The following IARS2 variants were observed in gnomAD, a reference collection of about 807,000 sequenced individuals.
IARS2 encodes isoleucine--tRNA ligase, mitochondrial.
In IARS2, 56 loss-of-function variants were observed where a neutral mutation model predicts 126.3. The ratio of observed to expected loss-of-function variants is 0.44; its 90% CI spans 0.36 to 0.55. The LOEUF is 0.55. IARS2 is among the 20% of genes least tolerant of loss of function. IARS2 has a pLI of 0.00. For synonymous variants in IARS2, 407 were observed against 441.1 expected (o/e 0.92, Z 0.97); for missense variants, 1,127 against 1,245.9 (o/e 0.90, Z 1.44).
At chr1:220,130,724 A>AT (rs1180568676) in intron 14 of IARS2, among the ~76,000 whole-genome samples, 1 of 151,916 alleles carries the variant, frequency 6.6e-6, no homozygotes, top group African/African-American at 2.4e-5. Context: ...CGCCTGGCTA[A>AT]TTTTTTGTAT....
chr1:220,127,055 A>G (rs1352807902), intron 14 of IARS2, among the ~76,000 whole-genome samples: 2 of 152,252 alleles, frequency 1.3e-5, no homozygotes, highest in Non-Finnish European at 2.9e-5. Context: ...TTTAGAATTT[A>G]TAATACAGAA....
At chr1:220,122,785 A>G (rs1014243993) in intron 12 of IARS2, among the ~76,000 whole-genome samples, 1 of 152,116 alleles carries the variant, frequency 6.6e-6, no homozygotes, top group Non-Finnish European at 1.5e-5. Flanking sequence ...TTATCCTAAC[A>G]TTTCTACCGT....
At chr1:220,121,327 A>G (rs1251215625) in intron 12 of IARS2, among the ~76,000 whole-genome samples, 1 of 152,214 alleles carries the variant, frequency 6.6e-6, no homozygotes, top group African/African-American at 2.4e-5. Flanking sequence ...TAAAGTATGT[A>G]TAAAACACAA....
At chr1:220,110,432 C>T (rs1656776634) in intron 10 of IARS2, among the ~76,000 whole-genome samples, 1 of 152,180 alleles carries the variant, frequency 6.6e-6, no homozygotes, top group Non-Finnish European at 1.5e-5. Flanking sequence ...GTGGCACGAT[C>T]TCGGCTCACT....
rs1031924815 is a variant in IARS2 at position 220,137,918 on chromosome 1, G to A, written c.2050G>A (p.Asp684Asn). Residue 684 changes from aspartate to asparagine, a missense_variant and splice_region_variant, in exon 17 of 23, where the codon GAT (aspartate) becomes AAT (asparagine). Physicochemically the swap from Asp to Asn is conservative, Grantham distance 23. Transcript: ENST00000366922. ...HPDVVVNGGQ[D>N]QSKEPPYGAD... ...TATATATTTTTTTCTCAATGAAAAG[G>A]ATCAAAGCAAAGAGCCTCCGTATGG... The A allele has an allele frequency of 1.9e-6, 3 of 1,613,944 alleles. No homozygotes were observed. The highest frequency in any genetic ancestry group is 2.5e-6 in the Non-Finnish European group (3 of 1,179,956).
At position 220,103,480 on chromosome 1, in the gene IARS2, C is replaced by T. The variant is rs1460977286; in HGVS notation, c.984C>T (p.Asp328=). ...YAVVKCSKSG[D]LYVLAADKVA... ...TTGTGAAATGTTCTAAGTCTGGAGA[C>T]CTCTACGTACTGGCGGCAGATAAAG... Residue 328 remains aspartate (D), a synonymous_variant, in exon 8 of 23, where the codon GAC becomes GAT. Transcript: ENST00000366922. The T allele has an allele frequency of 6.2e-7, 1 of 1,612,676 alleles. No individual in the cohort carries two copies. The highest frequency in any genetic ancestry group is 2.2e-5 in the East Asian group (1 of 44,866).
rs752239092 is a variant in IARS2, at chr1:220,110,865, C to G, written c.1407C>G (p.Thr469=). 1 of 1,613,740 alleles carries G rather than the reference C, an allele frequency of 6.2e-7. No individual in the cohort carries two copies. The change falls in exon 11 of 23, where the codon ACC becomes ACG. Residue 469 remains threonine (T), a synonymous_variant. Coordinates refer to ENST00000366922, the MANE Select transcript of IARS2 (RefSeq NM_018060.4). ...LVHSYPYDWR[T]KKPVVIRASK... is the part of the protein sequence containing the mutation. ...ATAGCTATCCGTATGACTGGAGGAC[C>G]AAGAAACCTGTGGTTATTCGTGCCA...
chr1:220,136,017 A>G (rs1443580900), intron 15 of IARS2, among the ~76,000 whole-genome samples: 1 of 152,100 alleles, frequency 6.6e-6, no homozygotes, highest in Non-Finnish European at 1.5e-5. Context: ...TTTAATGATA[A>G]AATCAGTACA....
intron 14 of IARS2, 151 bp from the exon 15 acceptor site, chr1:220,134,251 C>T (rs2102837002): frequency 3.6e-6 from 2 of 558,432 alleles, no homozygotes; most frequent in East Asian, 3.1e-5. Flanking sequence ...ACTTTGGTCA[C>T]TTTCTTGGTT....
At chr1:220,142,779 TATAA>T (rs1375568656) in intron 20 of IARS2, among the ~76,000 whole-genome samples, 161 bp from the exon 21 acceptor site, 1 of 152,206 alleles carries the variant, frequency 6.6e-6, no homozygotes, top group Admixed American at 6.6e-5. Context: ...CCAATGCTGA[TATAA>T]ATGTTTTGTA....
intron 14 of IARS2, among the ~76,000 whole-genome samples, chr1:220,129,671 G>A (rs1657220713): frequency 6.6e-6 from 1 of 152,152 alleles, no homozygotes; most frequent in Non-Finnish European, 1.5e-5. Flanking sequence ...CCATGTTGCT[G>A]CTGATGACAG....
intron 21 of IARS2, chr1:220,143,898 G>A: frequency 1.3e-6 from 1 of 773,600 alleles, no homozygotes; most frequent in Non-Finnish European, 2.2e-6. Context: ...AAGAGAATTG[G>A]CAATGAATAT....
chr1:220,145,739 T>A, intron 22 of IARS2, 86 bp downstream of exon 22: 4 of 1,132,342 alleles, frequency 3.5e-6, no homozygotes, highest in Non-Finnish European at 3.7e-6. Context: ...ACTGGGTTTA[T>A]TCTAAAGGTA....
rs777760234 is a variant in IARS2 at position 220,145,561 on chromosome 1, T to C, written c.2804T>C (p.Met935Thr). The part of the protein sequence containing the change: ...SSTSQLNELM[M>T]ASESTLLAQE... ...ACCTCTCAGTTGAATGAATTAATGA[T>C]GGCTTCTGAGTCAACTTTACTGGCT... is the stretch of plus-strand genomic sequence containing the variant. The change falls in exon 22 of 23, where the codon ATG becomes ACG. Residue 935 changes from methionine (M) to threonine (T), a missense_variant. Coordinates refer to ENST00000366922, the MANE Select transcript of IARS2 (RefSeq NM_018060.4). 19 of 1,613,756 alleles carry C rather than the reference T, an allele frequency of 1.2e-5. No homozygotes were observed. The Admixed American group carries it at 2.3e-4, about 20-fold the overall frequency.
chr1:220,109,452 C>T (rs537868382), intron 10 of IARS2, among the ~76,000 whole-genome samples: 32 of 151,146 alleles, frequency 2.1e-4, no homozygotes, highest in African/African-American at 7.8e-4. Flanking sequence ...CTGTCACAGT[C>T]AAACTGGGTG....
intron 11 of IARS2, 85 bp from the exon 12 acceptor site, chr1:220,114,229 G>T: frequency 1.6e-6 from 2 of 1,248,974 alleles, no homozygotes; most frequent in Non-Finnish European, 2.3e-6. Flanking sequence ...ACATCCAAAA[G>T]AAACAAATGC....
chr1:220,103,188 AC>A (rs1281704909), intron 7 of IARS2, among the ~76,000 whole-genome samples: 18 of 152,084 alleles, frequency 1.2e-4, no homozygotes, highest in African/African-American at 4.3e-4. Context: ...TTATGGGATT[AC>A]AGGCATGCGC....
Position 220,107,107 on chromosome 1 carries a change from C to G in IARS2, c.1283C>G (p.Pro428Arg). ...GGAGTTTTCACAGATGTTGCAGGTC[C>G]TGAACTTCAAAACAAGGCTGTCCTT... is the stretch of plus-strand genomic sequence containing the variant. ...EDGVFTDVAG[P>R]ELQNKAVLEE... The change falls in exon 10 of 23, where the codon CCT (proline) becomes CGT (arginine). Residue 428 changes from proline (P) to arginine (R), a missense_variant. Physicochemically the swap from Pro to Arg is moderately radical, Grantham distance 103. Transcript: ENST00000366922. The G allele has an allele frequency of 6.2e-7, 1 of 1,613,708 alleles. No individual in the cohort carries two copies. The highest frequency in any genetic ancestry group is 8.5e-7 in the Non-Finnish European group (1 of 1,179,666).
chr1:220,102,354 C>T lies in IARS2; in HGVS notation c.700-9C>T. Reference sequence around the variant, plus strand: ...TCTACTTTTAACATCATATTTTTGTCTTTTATAGGGCTTGGTTTATCGATC... The same window carrying T: ...TCTACTTTTAACATCATATTTTTGTTTTTTATAGGGCTTGGTTTATCGATC... On this transcript the variant is annotated splice_polypyrimidine_tract_variant and intron_variant, in intron 4 of 22. Transcript: ENST00000366922. 1 of 1,612,970 alleles carries T rather than the reference C, an allele frequency of 6.2e-7. No individual in the cohort carries two copies. The highest frequency in any genetic ancestry group is 1.1e-5 in the South Asian group (1 of 90,752).
Sources: allele counts gnomAD v4.1 joint callset (sites outside exome capture counted in the v4.1 genomes callset), GRCh38; gene constraint gnomAD v4.1.1; transcripts MANE v1.5; gene names NCBI Gene and HGNC (gene_info 2026-07-23, HGNC 2026-07-21).